THRB: variants seen among roughly 807,000 people sequenced by gnomAD.
THRB encodes thyroid hormone receptor beta.
THRB carries 12 observed loss-of-function variants against 47.8 expected under a neutral mutation model. The ratio of observed to expected loss-of-function variants is 0.25; its 90% confidence interval spans 0.16 to 0.41. The LOEUF (loss-of-function observed/expected upper bound fraction) is 0.41, where lower values mean the gene tolerates loss of function less well. THRB is among the 10% of genes least tolerant of loss of function. The pLI is 1.00. For missense variants in THRB, 348 were observed against 589.2 expected (o/e 0.59, Z 4.24); for synonymous variants, 218 against 212.2 (o/e 1.03, Z -0.24).
In THRB at chr3:24,122,971, G is replaced by A. The variant is rs144206187; in HGVS notation, c.1299C>T (p.Ala433=). The A allele has an allele frequency of 2.5e-4, 407 of 1,614,198 alleles. No homozygotes were observed. The highest frequency in any genetic ancestry group is 1.3e-3 in the Middle Eastern group (8 of 6,062). Residue 433 remains alanine, a synonymous_variant, in exon 11 of 11, where the codon GCC becomes GCT. Transcript: ENST00000646209. ...TGTGCAGGAAGCGGCTGGCATGGCA[G>A]GCTCCTATCATCCGCAGATCTGTCA... The part of the protein sequence containing the change: ...MKVTDLRMIG[A]CHASRFLHMK...
At chr3:24,481,420 T>G (rs770825233) in intron 1 of THRB, among the ~76,000 whole-genome samples, 1 of 152,010 alleles carries the variant, frequency 6.6e-6, no homozygotes, top group Admixed American at 6.6e-5. Context: ...AGAGCTTGCA[T>G]GTGGTTGGTC....
chr3:24,466,772 C>T (rs2074190174), intron 1 of THRB, among the ~76,000 whole-genome samples: 1 of 152,088 alleles, frequency 6.6e-6, no homozygotes, highest in Non-Finnish European at 1.5e-5. Context: ...TGAAAAAATG[C>T]TAATGATTAT....
At position 24,383,218 on chromosome 3, in the gene THRB, GACAA is replaced by G. The variant is rs57022667; in HGVS notation, c.-260-45851_-260-45848del. Among the ~76,000 whole-genome samples, 1,453 of 151,954 alleles carry G rather than the reference GACAA, an allele frequency of 9.6e-3. 16 individuals are homozygous for G. Among genetic ancestry groups the G allele is most frequent in the African/African-American group, 0.031 (1,278 of 41,448 alleles). On this transcript the variant is annotated intron_variant, in intron 1 of 10. Coordinates refer to ENST00000646209, the MANE Select transcript of THRB (RefSeq NM_001354712.2). ...CTTCAACAAAGTACCCGGCTCAGAA[GACAA>G]ACAAACAAACAAACAAACAAACATT...
At chr3:24,411,023 G>A (rs2068248161) in intron 1 of THRB, among the ~76,000 whole-genome samples, 1 of 151,768 alleles carries the variant, frequency 6.6e-6, no homozygotes, top group African/African-American at 2.4e-5. Context: ...AACATTCTCT[G>A]TTCTCCTCTT....
At chr3:24,182,542 A>AT (rs1467071337) in intron 5 of THRB, among the ~76,000 whole-genome samples, 1 of 152,204 alleles carries the variant, frequency 6.6e-6, no homozygotes, top group East Asian at 1.9e-4. Flanking sequence ...TATAGTGATT[A>AT]TTCTGACGTG....
In THRB at chr3:24,143,377, C is replaced by T. The variant is rs146869584; in HGVS notation, c.738+124G>A. 416 of 991,038 alleles carry T rather than the reference C, an allele frequency of 4.2e-4. No individual in the cohort carries two copies. The African/African-American group carries it at 5.9e-3, about 14-fold the overall frequency. 61.4% of individuals were successfully genotyped at this position (991,038 alleles called of 1,614,324 possible). ...TTGCAAGTTACTCAGCCTCTCAGAG[C>T]TACGGTTTCCCTATCAGTAAAATGA... On this transcript the variant is annotated intron_variant, in intron 8 of 10. Transcript: ENST00000646209.
chr3:24,280,400 C>G (rs1272447887), intron 3 of THRB, among the ~76,000 whole-genome samples: 1 of 152,102 alleles, frequency 6.6e-6, no homozygotes, highest in African/African-American at 2.4e-5. Flanking sequence ...GGAAAACTAA[C>G]AAACAGAAAG....
intron 2 of THRB, among the ~76,000 whole-genome samples, chr3:24,316,402 G>A (rs959754182): frequency 4.7e-5 from 7 of 148,322 alleles, no homozygotes; most frequent in Middle Eastern, 3.2e-3. Flanking sequence ...CTTCTCCCTC[G>A]GTTCCTTCCT....
intron 1 of THRB, among the ~76,000 whole-genome samples, chr3:24,467,196 T>A (rs184335882): frequency 2.6e-5 from 4 of 152,314 alleles, no homozygotes; most frequent in Admixed American, 2.6e-4. Flanking sequence ...ACCATAGAAG[T>A]TTTATTATGA....
chr3:24,410,421 A>G (rs1374964528), intron 1 of THRB, among the ~76,000 whole-genome samples: 1 of 151,888 alleles, frequency 6.6e-6, no homozygotes, highest in African/African-American at 2.4e-5. Flanking sequence ...GGAATAAAAA[A>G]TAGATGCAGA....
chr3:24,439,232 G>C lies in THRB; in HGVS notation c.-261+55420C>G, dbSNP rs78310939. 4.5e-3 allele frequency among the ~76,000 whole-genome samples: 679 copies of C among 152,268 alleles called. 4 individuals carry two copies. Among genetic ancestry groups the C allele is most frequent in the African/African-American group, 0.015 (640 of 41,546 alleles). On this transcript the variant is annotated intron_variant, in intron 1 of 10. Transcript: ENST00000646209. ...TCATTGTCAAGGGCAATCCTCCAGA[G>C]GGTGGTGCAGATAAGAGGATATGAC...
At chr3:24,145,769 C>G (rs1029650685) in intron 7 of THRB, among the ~76,000 whole-genome samples, 1 of 152,088 alleles carries the variant, frequency 6.6e-6, no homozygotes, top group Non-Finnish European at 1.5e-5. Context: ...ATGATTACTT[C>G]TTTCATCAGG....
At chr3:24,304,913 T>C (rs1460204269) in intron 2 of THRB, among the ~76,000 whole-genome samples, 1 of 152,118 alleles carries the variant, frequency 6.6e-6, no homozygotes, top group Non-Finnish European at 1.5e-5. Flanking sequence ...AAATGGATGA[T>C]TTCTTAGCAA....
chr3:24,189,910 T>C (rs1313693567), intron 5 of THRB, 164 bp downstream of exon 5: 3 of 679,546 alleles, frequency 4.4e-6, no homozygotes, highest in East Asian at 5.4e-5. Flanking sequence ...TTATTTATGT[T>C]TAAAAGAATA....
At chr3:24,466,596 G>T (rs538390825) in intron 1 of THRB, among the ~76,000 whole-genome samples, 1 of 152,248 alleles carries the variant, frequency 6.6e-6, no homozygotes, top group African/African-American at 2.4e-5. Context: ...CTGCAGGTAT[G>T]AATTTAGACC....
intron 1 of THRB, among the ~76,000 whole-genome samples, chr3:24,385,272 C>T (rs1474398937): frequency 6.6e-6 from 1 of 152,090 alleles, no homozygotes; most frequent in African/African-American, 2.4e-5. Context: ...TGGCCATCAG[C>T]CTGCTACTTG....
At chr3:24,152,818 C>T (rs1036632822) in intron 5 of THRB, among the ~76,000 whole-genome samples, 9 of 151,754 alleles carry the variant, frequency 5.9e-5, no homozygotes, top group African/African-American at 1.7e-4. Context: ...AATAATTAGC[C>T]GGGCATGGTG....
At chr3:24,294,271 A>C (rs2056245966) in intron 3 of THRB, among the ~76,000 whole-genome samples, 1 of 152,214 alleles carries the variant, frequency 6.6e-6, no homozygotes. Context: ...GACATCCTGG[A>C]TGTTGTAGCT....
intron 8 of THRB, among the ~76,000 whole-genome samples, chr3:24,138,698 C>T (rs1208691884): frequency 6.6e-6 from 1 of 152,170 alleles, no homozygotes; most frequent in Non-Finnish European, 1.5e-5. Flanking sequence ...CGTGATTGCA[C>T]TTGTACTATG....
Sources: allele counts gnomAD v4.1 joint callset (sites outside exome capture counted in the v4.1 genomes callset), GRCh38; gene constraint gnomAD v4.1.1; transcripts MANE v1.5; gene names NCBI Gene and HGNC (gene_info 2026-07-23, HGNC 2026-07-21).